CDH9: variants seen among roughly 807,000 people sequenced by gnomAD.
CDH9 encodes the protein cadherin 9, also known as cadherin-9.
Under a neutral mutation model 70.9 loss-of-function variants are expected in CDH9, and 28 were observed. The observed-to-expected ratio is 0.40, with a 90% CI of 0.29 to 0.54. The LOEUF (loss-of-function observed/expected upper bound fraction) is 0.54. Ranked by LOEUF, CDH9 falls within the 20% of genes least tolerant of loss-of-function variation. The pLI, the probability that CDH9 is intolerant of heterozygous loss-of-function variation, is 0.59. For synonymous variants in CDH9, 409 were observed against 343.1 expected (o/e 1.19, Z -2.12); for missense variants, 874 against 984.4 (o/e 0.89, Z 1.50).
Position 26,885,667 on chromosome 5 carries a change from C to A in CDH9, c.1829G>T (p.Gly610Val), listed in dbSNP as rs200287957. 27 of 1,613,604 alleles carry A rather than the reference C, an allele frequency of 1.7e-5. No homozygotes were observed. The highest frequency in any genetic ancestry group is 2.3e-5 in the Non-Finnish European group (27 of 1,179,878). ...CTAEALILSA[G>V]LSTGALVAIL... The stretch of plus-strand genomic sequence containing the variant: ...CGCAACGAGAGCTCCCGTGCTCAGG[C>A]CGGCTGAAAGGATCAGGGCTTCTGC... The change falls in exon 11 of 12, where the codon GGC (glycine) becomes GTC (valine). Residue 610 changes from glycine to valine, a missense_variant. Transcript: ENST00000231021.
intron 2 of CDH9, among the ~76,000 whole-genome samples, chr5:26,987,169 T>C (rs1225288619): frequency 3.4e-5 from 5 of 147,670 alleles, no homozygotes; most frequent in Admixed American, 6.9e-5. Flanking sequence ...TCAAACAATA[T>C]GCAAACCATT....
At chr5:27,016,394 T>G (rs937147464) in intron 1 of CDH9, among the ~76,000 whole-genome samples, 4 of 151,812 alleles carry the variant, frequency 2.6e-5, no homozygotes, top group Non-Finnish European at 5.9e-5. Context: ...ACAGGATTTA[T>G]AAAAAAGTTT....
At chr5:26,936,536 A>C (rs1741561505) in intron 2 of CDH9, among the ~76,000 whole-genome samples, 2 of 152,158 alleles carry the variant, frequency 1.3e-5, no homozygotes. Flanking sequence ...GTTAAAGCAA[A>C]GGTAACTACA....
At chr5:27,025,422 T>A (rs907681279) in intron 1 of CDH9, among the ~76,000 whole-genome samples, 4 of 151,778 alleles carry the variant, frequency 2.6e-5, no homozygotes, top group African/African-American at 7.3e-5. Flanking sequence ...CTGACCAGAG[T>A]CCTGATACAA....
intron 1 of CDH9, among the ~76,000 whole-genome samples, chr5:27,000,175 A>C (rs1283059866): frequency 5.3e-5 from 8 of 152,078 alleles, no homozygotes; most frequent in East Asian, 1.9e-4. Context: ...AACATTGAAA[A>C]CTCTACAATA....
intron 2 of CDH9, among the ~76,000 whole-genome samples, chr5:26,918,610 G>C (rs1267710862): frequency 6.6e-6 from 1 of 152,192 alleles, no homozygotes; most frequent in Non-Finnish European, 1.5e-5. Context: ...ACTTAGTAAA[G>C]TGGATTGCAC....
chr5:26,886,064 A>G lies in CDH9; in HGVS notation c.1532T>C (p.Val511Ala), dbSNP rs1385927132. Residue 511 changes from valine to alanine, a missense_variant, in exon 10 of 12, where the codon GTC (valine) becomes GCC (alanine). By Grantham distance (64) the Val-to-Ala change is moderately conservative. Coordinates refer to ENST00000231021, the MANE Select transcript of CDH9 (RefSeq NM_016279.4). The stretch of plus-strand genomic sequence containing the variant: ...TCGGGGAGGGTCATCCTTATCCATG[A>G]CACTGACAGTCTGAATCAACTGAAA... ...KPGQLIQTVS[V>A]MDKDDPPRGH... 6.2e-7 allele frequency: 1 copy of G among 1,602,158 alleles called. No homozygotes were observed. Among genetic ancestry groups the G allele is most frequent in the South Asian group, 1.1e-5 (1 of 87,548 alleles).
rs539997865 is a variant in CDH9 at position 26,945,170 on chromosome 5, AC to A, written c.229-29247del. 8.8e-4 allele frequency among the ~76,000 whole-genome samples: 133 copies of A among 150,702 alleles called. 1 individual carries two copies. The highest frequency in any genetic ancestry group is 3.0e-3 in the African/African-American group (123 of 41,176). ...AATTCTACTCCAATTGTCCTCTTAA[AC>A]CCGAATTACCCTTCTGTTATTTATG... On this transcript the variant is annotated intron_variant, in intron 2 of 11. Coordinates refer to ENST00000231021, the MANE Select transcript of CDH9 (RefSeq NM_016279.4).
chr5:26,948,358 T>G (rs1741788944), intron 2 of CDH9, among the ~76,000 whole-genome samples: 1 of 152,152 alleles, frequency 6.6e-6, no homozygotes, highest in Non-Finnish European at 1.5e-5. Flanking sequence ...TTTTCTAGAA[T>G]TCAACAAAAT....
chr5:26,947,441 T>C (rs1741773418), intron 2 of CDH9, among the ~76,000 whole-genome samples: 1 of 152,168 alleles, frequency 6.6e-6, no homozygotes, highest in South Asian at 2.1e-4. Flanking sequence ...ATCCAAAACA[T>C]ACAGTCCGCA....
At chr5:27,015,313 T>C (rs1743028577) in intron 1 of CDH9, among the ~76,000 whole-genome samples, 1 of 151,862 alleles carries the variant, frequency 6.6e-6, no homozygotes, top group African/African-American at 2.4e-5. Flanking sequence ...TATTAAGACT[T>C]TTTTTCTATA....
chr5:27,026,717 T>C (rs910038226), intron 1 of CDH9, among the ~76,000 whole-genome samples: 2 of 151,920 alleles, frequency 1.3e-5, no homozygotes, highest in African/African-American at 4.8e-5. Context: ...GTAAATACTA[T>C]AAATTTAAAT....
At chr5:26,971,559 C>T (rs1742218548) in intron 2 of CDH9, among the ~76,000 whole-genome samples, 2 of 152,152 alleles carry the variant, frequency 1.3e-5, no homozygotes, top group South Asian at 4.1e-4. Flanking sequence ...TTGCTAAAAT[C>T]AACTACATGG....
At chr5:26,968,604 C>G (rs1003164811) in intron 2 of CDH9, among the ~76,000 whole-genome samples, 2 of 151,724 alleles carry the variant, frequency 1.3e-5, no homozygotes, top group South Asian at 4.2e-4. Flanking sequence ...AAATGGCAAG[C>G]CAAATGGGTG....
intron 2 of CDH9, among the ~76,000 whole-genome samples, chr5:26,966,156 C>G (rs1283934318): frequency 6.6e-6 from 1 of 152,144 alleles, no homozygotes; most frequent in Non-Finnish European, 1.5e-5. Flanking sequence ...TCCTCATATC[C>G]AGTGGCTGAT....
chr5:27,034,446 A>G (rs1421359295), intron 1 of CDH9, among the ~76,000 whole-genome samples: 1 of 151,852 alleles, frequency 6.6e-6, no homozygotes, highest in Admixed American at 6.6e-5. Context: ...CAATTGGTTT[A>G]TAATTTGCTA....
chr5:26,977,515 A>G (rs1742324189), intron 2 of CDH9, among the ~76,000 whole-genome samples: 1 of 150,704 alleles, frequency 6.6e-6, no homozygotes, highest in Non-Finnish European at 1.5e-5. Context: ...ATATGGCACT[A>G]AATAATAACC....
At chr5:26,908,987 A>G (rs530746473) in intron 3 of CDH9, among the ~76,000 whole-genome samples, 6 of 152,068 alleles carry the variant, frequency 3.9e-5, no homozygotes, top group Non-Finnish European at 8.8e-5. Flanking sequence ...TTTTATATTA[A>G]TTTTTGTTTT....
At chr5:26,905,761 C>CA in intron 5 of CDH9, among the ~76,000 whole-genome samples, 198 bp downstream of exon 5, 1 of 151,916 alleles carries the variant, frequency 6.6e-6, no homozygotes, top group Non-Finnish European at 1.5e-5. Context: ...CTACATACTC[C>CA]AAAAAATGAT....
Sources: allele counts gnomAD v4.1 joint callset (sites outside exome capture counted in the v4.1 genomes callset), GRCh38; gene constraint gnomAD v4.1.1; transcripts MANE v1.5; gene names NCBI Gene and HGNC (gene_info 2026-07-23, HGNC 2026-07-21).